Variants in PIP5K1B observed in about 807,000 individuals in gnomAD.
PIP5K1B encodes the protein phosphatidylinositol 4-phosphate 5-kinase type-1 beta.
Under a neutral mutation model 67.0 loss-of-function variants are expected in PIP5K1B, and 42 were observed. The ratio of observed to expected loss-of-function variants is 0.63; its 90% CI spans 0.49 to 0.81. The LOEUF (loss-of-function observed/expected upper bound fraction) is 0.81, where lower values mean the gene tolerates loss of function less well. PIP5K1B is among the 30% of genes least tolerant of loss of function. The probability of loss-of-function intolerance (pLI) is 0.00; values close to 1 mark genes in which losing one functional copy is unlikely to be tolerated. For synonymous variants in PIP5K1B, 214 were observed against 231.4 expected (o/e 0.92, Z 0.68); for missense variants, 459 against 646.3 (o/e 0.71, Z 3.14).
intron 2 of PIP5K1B, among the ~76,000 whole-genome samples, chr9:68,749,139 AC>A (rs1829487622): frequency 6.6e-6 from 1 of 152,174 alleles, no homozygotes; most frequent in Admixed American, 6.5e-5. Context: ...TGTAAATATT[AC>A]CTTATTTTGA....
At chr9:68,969,153 G>A (rs1829209992) in intron 14 of PIP5K1B, among the ~76,000 whole-genome samples, 1 of 152,052 alleles carries the variant, frequency 6.6e-6, no homozygotes, top group African/African-American at 2.4e-5. Context: ...CAGATCACGA[G>A]GCCAGGAGAT....
At chr9:68,811,236 C>A (rs1200050781) in intron 2 of PIP5K1B, among the ~76,000 whole-genome samples, 1 of 152,212 alleles carries the variant, frequency 6.6e-6, no homozygotes, top group Non-Finnish European at 1.5e-5. Context: ...GGCTTATTCC[C>A]CTACTGCTTT....
chr9:68,795,898 CATAAG>C (rs1832265674), intron 2 of PIP5K1B, among the ~76,000 whole-genome samples: 1 of 152,066 alleles, frequency 6.6e-6, no homozygotes, highest in African/African-American at 2.4e-5. Context: ...AGCAAACTTT[CATAAG>C]ATATGTATTT....
rs1331115124 is a variant in PIP5K1B, at chr9:68,780,239, C to T, written c.-86+37582C>T. 5.2e-6 allele frequency: 8 copies of T among 1,542,714 alleles called. No individual in the cohort carries two copies. The East Asian group carries it at 1.4e-4, about 26-fold the overall frequency. ...GCGGGAGCCCGGCGGAGGGCGGTGG[C>T]AGCGGCGGCGGCGGGGGCCTCAGGA... On this transcript the variant is annotated intron_variant, in intron 2 of 15. Transcript: ENST00000265382.
chr9:68,786,890 A>T (rs1418287958), intron 2 of PIP5K1B, among the ~76,000 whole-genome samples: 3 of 152,274 alleles, frequency 2.0e-5, no homozygotes, highest in Non-Finnish European at 4.4e-5. Flanking sequence ...CATTCTCTTA[A>T]GGCGATTGAT....
chr9:68,719,093 A>T (rs1304786502), intron 1 of PIP5K1B, among the ~76,000 whole-genome samples: 1 of 152,208 alleles, frequency 6.6e-6, no homozygotes, highest in African/African-American at 2.4e-5. Flanking sequence ...TTCATTAGCC[A>T]ATAGCATGTT....
intron 2 of PIP5K1B, among the ~76,000 whole-genome samples, chr9:68,814,585 G>A (rs1833337039): frequency 6.6e-6 from 1 of 152,164 alleles, no homozygotes; most frequent in Admixed American, 6.5e-5. Context: ...GGAGACTGAG[G>A]CAGGTGGATC....
At chr9:68,782,933 G>T (rs1831382487) in intron 2 of PIP5K1B, 1 of 167,030 alleles carries the variant, frequency 6.0e-6, no homozygotes, top group South Asian at 2.1e-4. Context: ...CCTTTTCTCT[G>T]TTGGATTAGC....
At position 68,897,169 on chromosome 9, in the gene PIP5K1B, T is replaced by C. The variant is rs187330754; in HGVS notation, c.771+2531T>C. Among the ~76,000 whole-genome samples, 8 of 152,276 alleles carry C rather than the reference T, an allele frequency of 5.3e-5. No individual in the cohort carries two copies. In the East Asian group the frequency reaches 1.3e-3, roughly 26 times the overall value. On this transcript the variant is annotated intron_variant, in intron 8 of 15. Coordinates refer to ENST00000265382, the MANE Select transcript of PIP5K1B (RefSeq NM_003558.4). ...GGCCAGCACCTATCAATCAGGAATC[T>C]CCTCTGCTAAAATTCCTGTGAGACA...
chr9:68,999,264 C>T (rs1830716583), intron 15 of PIP5K1B, among the ~76,000 whole-genome samples: 1 of 152,130 alleles, frequency 6.6e-6, no homozygotes, highest in South Asian at 2.1e-4. Flanking sequence ...ACCCTATTTC[C>T]AAATAAGGTT....
intron 13 of PIP5K1B, among the ~76,000 whole-genome samples, chr9:68,940,181 G>C (rs1273817190): frequency 6.6e-6 from 1 of 152,216 alleles, no homozygotes; most frequent in Non-Finnish European, 1.5e-5. Context: ...GTCTGTTGAA[G>C]TATTTGTTTC....
Position 68,863,869 on chromosome 9 carries a change from G to A in PIP5K1B, c.102G>A (p.Gln34=), listed in dbSNP as rs760351417. 5.6e-6 allele frequency: 9 copies of A among 1,613,350 alleles called. No homozygotes were observed. In the South Asian group the frequency reaches 9.9e-5, roughly 18 times the overall value. The change falls in exon 5 of 16, where the codon CAG becomes CAA. Residue 34 remains glutamine (Q), a synonymous_variant. Transcript: ENST00000265382. Reference sequence around the variant, plus strand: ...CATCTGCTATTAAAGGTGCTATTCAGCTGGGAATAGGATACACAGTGGGTA... The same window carrying A: ...CATCTGCTATTAAAGGTGCTATTCAACTGGGAATAGGATACACAGTGGGTA... ...TASSAIKGAI[Q]LGIGYTVGNL... is the part of the protein sequence containing the mutation.
intron 2 of PIP5K1B, among the ~76,000 whole-genome samples, chr9:68,799,092 T>G (rs981380423): frequency 6.6e-6 from 1 of 152,240 alleles, no homozygotes; most frequent in Non-Finnish European, 1.5e-5. Context: ...CTATCTCTAA[T>G]ATGTTTTTGA....
chr9:68,996,941 C>G (rs2132996136), intron 15 of PIP5K1B, among the ~76,000 whole-genome samples: 1 of 152,284 alleles, frequency 6.6e-6, no homozygotes, highest in Middle Eastern at 3.4e-3. Flanking sequence ...ATAATATGTA[C>G]TTTCATCCAG....
chr9:68,884,336 G>C (rs1428637744), intron 6 of PIP5K1B, among the ~76,000 whole-genome samples: 2 of 149,212 alleles, frequency 1.3e-5, no homozygotes, highest in East Asian at 3.9e-4. Context: ...AATGAGCAAA[G>C]GACCTAACTA....
At chr9:69,005,067 AGAGT>A (rs1350483860) in intron 15 of PIP5K1B, among the ~76,000 whole-genome samples, 1 of 151,898 alleles carries the variant, frequency 6.6e-6, no homozygotes, top group Non-Finnish European at 1.5e-5. Context: ...CCTGAGGGTG[AGAGT>A]GAGTGTTTAT....
chr9:68,977,278 T>C (rs1050194126), intron 14 of PIP5K1B, among the ~76,000 whole-genome samples: 19 of 152,316 alleles, frequency 1.2e-4, no homozygotes, highest in Non-Finnish European at 2.4e-4. Context: ...TCCCAGCACT[T>C]TGGGAGGCCA....
intron 4 of PIP5K1B, among the ~76,000 whole-genome samples, chr9:68,854,623 A>G (rs545945628): frequency 1.3e-5 from 2 of 152,352 alleles, no homozygotes; most frequent in Admixed American, 1.3e-4. Context: ...GACCTAAAAG[A>G]AAAAGCTAAA....
chr9:68,999,031 A>G (rs62569223), intron 15 of PIP5K1B, among the ~76,000 whole-genome samples: 34,090 of 152,068 alleles, frequency 0.22, 4,050 homozygotes, highest in Non-Finnish European at 0.26. Context: ...CTTCCTCTGA[A>G]GGCTCCAGGG....
Sources: gnomAD v4.1 joint callset for allele counts (sites outside exome capture counted in the v4.1 genomes callset) on GRCh38, gnomAD v4.1.1 for gene constraint, MANE v1.5 for transcripts, NCBI Gene and HGNC (gene_info 2026-07-23, HGNC 2026-07-21) for gene names.